MEIS1: variants seen among roughly 807,000 people sequenced by gnomAD.
MEIS1 encodes the protein homeobox protein Meis1.
In MEIS1, 5 loss-of-function variants were observed where a neutral mutation model predicts 50.8. The observed-to-expected ratio is 0.10, with a 90% CI of 0.05 to 0.21. The LOEUF (loss-of-function observed/expected upper bound fraction) is 0.21, where lower values mean the gene tolerates loss of function less well. Ranked by LOEUF, MEIS1 falls within the 10% of genes least tolerant of loss-of-function variation. The pLI is 1.00. For synonymous variants in MEIS1, 176 were observed against 179.3 expected, an observed-to-expected ratio of 0.98 and a Z score of 0.15; for missense variants, 318 against 517.3, an observed-to-expected ratio of 0.61 and a Z score of 3.74.
At chr2:66,440,947 G>C in intron 4 of MEIS1, 1 of 371,804 alleles carries the variant, frequency 2.7e-6, no homozygotes, top group East Asian at 4.7e-5. Context: ...AGCCCTCTAA[G>C]TCCCATCACG....
intron 8 of MEIS1, among the ~76,000 whole-genome samples, chr2:66,525,210 C>T (rs1179170506): frequency 2.1e-5 from 3 of 142,950 alleles, no homozygotes; most frequent in African/African-American, 7.3e-5. Flanking sequence ...GAGACCTTGT[C>T]TCAAAAACAA....
intron 8 of MEIS1, among the ~76,000 whole-genome samples, chr2:66,522,579 A>G (rs941927898): frequency 2.6e-5 from 4 of 152,180 alleles, no homozygotes; most frequent in Admixed American, 2.0e-4. Flanking sequence ...TTAATTGAAC[A>G]AGGAATGAGT....
Position 66,435,695 on chromosome 2 carries a change from G to A in MEIS1, c.-162G>A. The A allele has an allele frequency of 5.0e-6, 3 of 605,098 alleles. No individual in the cohort carries two copies. Among genetic ancestry groups the A allele is most frequent in the South Asian group, 5.2e-5 (2 of 38,232 alleles). The allele number at this position is 605,098 out of a possible 1,614,324, so 37.5% of individuals were successfully genotyped here. A position where few individuals can be genotyped will look rare whatever the true frequency, so the allele number is the denominator to read the frequency against. On this transcript the variant is annotated 5_prime_UTR_variant, in exon 1 of 13. Transcript: ENST00000272369. ...TCAGGTCCCGTAGACCGAAGATCTGGGACCAGTAGCTCACGTTGCTGGAGA... is the reference window on the plus strand; with the variant it reads ...TCAGGTCCCGTAGACCGAAGATCTGAGACCAGTAGCTCACGTTGCTGGAGA...
At chr2:66,440,067 G>GAACACACACA in intron 3 of MEIS1, 83 bp downstream of exon 3, 1 of 1,012,644 alleles carries the variant, frequency 9.9e-7, no homozygotes, top group Non-Finnish European at 1.3e-6. Flanking sequence ...GCGCGCGCGC[G>GAACACACACA]AACACACACA....
At chr2:66,445,468 T>G (rs1028550380) in intron 6 of MEIS1, among the ~76,000 whole-genome samples, 1 of 152,184 alleles carries the variant, frequency 6.6e-6, no homozygotes, top group Admixed American at 6.5e-5. Flanking sequence ...TCCGGGGCGC[T>G]GAACCCCTAG....
intron 6 of MEIS1, among the ~76,000 whole-genome samples, chr2:66,455,507 A>G (rs1672367867): frequency 6.6e-6 from 1 of 152,210 alleles, no homozygotes; most frequent in Admixed American, 6.5e-5. Context: ...TGCTTAGCAT[A>G]GTTGATTCAC....
chr2:66,467,257 G>A (rs1054321830), intron 7 of MEIS1, among the ~76,000 whole-genome samples: 1 of 152,112 alleles, frequency 6.6e-6, no homozygotes, highest in East Asian at 1.9e-4. Context: ...TGTGATCAGT[G>A]AAAGAGTTTT....
chr2:66,510,926 T>G (rs1328381783), intron 7 of MEIS1, among the ~76,000 whole-genome samples: 2 of 152,194 alleles, frequency 1.3e-5, no homozygotes, highest in Admixed American at 1.3e-4. Context: ...TGCAGGAAAC[T>G]TGTCTTACCA....
At chr2:66,545,454 A>C (rs915206817) in intron 8 of MEIS1, among the ~76,000 whole-genome samples, 9 of 152,304 alleles carry the variant, frequency 5.9e-5, no homozygotes, top group South Asian at 2.1e-4. Flanking sequence ...CTTTAACCTC[A>C]ATGGATCTTA....
At position 66,440,024 on chromosome 2, in the gene MEIS1, G is replaced by C. The variant is rs376323102; in HGVS notation, c.381+40G>C. ...TGTTAAAAAGTAAAAGAAACAAAAA[G>C]AGAGCCCCCCCTTCGCCAACACACA... On this transcript the variant is annotated intron_variant, in intron 3 of 12. Coordinates refer to ENST00000272369, the MANE Select transcript of MEIS1 (RefSeq NM_002398.3). 584 of 1,554,376 alleles carry C rather than the reference G, an allele frequency of 3.8e-4. 6 individuals carry two copies. In the African/African-American group the frequency reaches 7.4e-3, roughly 20 times the overall value.
rs372388411 is a variant in MEIS1, at chr2:66,480,611, C to G, written c.742+16391C>G. Among the ~76,000 whole-genome samples, 7 of 150,748 alleles carry G rather than the reference C, an allele frequency of 4.6e-5. No homozygotes were observed. In the East Asian group the frequency reaches 1.4e-3, roughly 29 times the overall value. ...TGTTTTTCAAAGTGCAAATTTCCTC[C>G]TGAAGATAGACAAGTCTTGGGTACG... On this transcript the variant is annotated intron_variant, in intron 7 of 12. Coordinates refer to ENST00000272369, the MANE Select transcript of MEIS1 (RefSeq NM_002398.3).
chr2:66,465,440 C>G (rs766884390), intron 7 of MEIS1, among the ~76,000 whole-genome samples: 1 of 152,072 alleles, frequency 6.6e-6, no homozygotes, highest in African/African-American at 2.4e-5. Context: ...ATCCAAGGGG[C>G]CTTTTTTCTT....
chr2:66,478,712 C>T (rs1178624131), intron 7 of MEIS1, among the ~76,000 whole-genome samples: 1 of 152,192 alleles, frequency 6.6e-6, no homozygotes, highest in Admixed American at 6.5e-5. Context: ...TGCAACAATT[C>T]CAAATAGACA....
chr2:66,508,098 T>C (rs893055066), intron 7 of MEIS1, among the ~76,000 whole-genome samples: 3 of 152,244 alleles, frequency 2.0e-5, no homozygotes, highest in East Asian at 3.8e-4. Flanking sequence ...GTTTGACATA[T>C]AGTGCATGGT....
intron 8 of MEIS1, among the ~76,000 whole-genome samples, chr2:66,525,202 G>C (rs769050413): frequency 3.3e-5 from 5 of 151,248 alleles, no homozygotes; most frequent in Non-Finnish European, 7.4e-5. Context: ...GGCAGAGTGA[G>C]ACCTTGTCTC....
At chr2:66,510,423 T>C (rs1343380448) in intron 7 of MEIS1, among the ~76,000 whole-genome samples, 1 of 152,190 alleles carries the variant, frequency 6.6e-6, no homozygotes, top group African/African-American at 2.4e-5. Context: ...TCTTCACTGA[T>C]ACAACAATGG....
intron 6 of MEIS1, among the ~76,000 whole-genome samples, chr2:66,447,741 T>C (rs1558522480): frequency 1.3e-5 from 2 of 152,174 alleles, no homozygotes; most frequent in African/African-American, 4.8e-5. Context: ...TAGATGCAGA[T>C]AGGTTGAGAT....
At chr2:66,463,768 G>C (rs897033485) in intron 6 of MEIS1, among the ~76,000 whole-genome samples, 31 of 152,320 alleles carry the variant, frequency 2.0e-4, no homozygotes, top group Non-Finnish European at 3.7e-4. Context: ...GTAGCAGACT[G>C]TTGTGCCAGA....
rs1259500600 is a variant in MEIS1, at chr2:66,571,694, G to A, written c.*486G>A. 1.4e-6 allele frequency: 1 copy of A among 703,914 alleles called. No homozygotes were observed. Among genetic ancestry groups the A allele is most frequent in the Admixed American group, 3.0e-5 (1 of 33,682 alleles). 43.6% of individuals were successfully genotyped at this position (703,914 alleles called of 1,614,324 possible). On this transcript the variant is annotated 3_prime_UTR_variant, in exon 13 of 13. Transcript: ENST00000272369. The stretch of plus-strand genomic sequence containing the variant: ...GGAAATACCAACTGAAGTCAATTTG[G>A]GGGACATGCTAAATAACTATATAAG...
Sources: gnomAD v4.1 joint callset for allele counts (sites outside exome capture counted in the v4.1 genomes callset) on GRCh38, gnomAD v4.1.1 for gene constraint, MANE v1.5 for transcripts, NCBI Gene and HGNC (gene_info 2026-07-23, HGNC 2026-07-21) for gene names.